DNAAF11: variants seen among roughly 807,000 people sequenced by gnomAD.
DNAAF11 encodes leucine rich repeat containing 6.
In DNAAF11, 45 loss-of-function variants were observed where a neutral mutation model predicts 60.8. The observed-to-expected ratio is 0.74, with a 90% CI of 0.58 to 0.95. DNAAF11 has a LOEUF of 0.95. Among genes scored for constraint, DNAAF11 ranks in the 40% least tolerant of loss-of-function variants. The pLI is 0.00. For synonymous variants in DNAAF11, 191 were observed against 183.5 expected (o/e 1.04, Z -0.33); for missense variants, 546 against 546.2 (o/e 1.00, Z 0.00).
chr8:132,600,487 C>T (rs1043514984), intron 10 of DNAAF11, among the ~76,000 whole-genome samples: 3 of 152,144 alleles, frequency 2.0e-5, no homozygotes, highest in Admixed American at 6.5e-5. Flanking sequence ...GCAAAAAGAA[C>T]AAAGCTGGAG....
chr8:132,622,391 A>G (rs1819851695), intron 7 of DNAAF11, among the ~76,000 whole-genome samples: 1 of 152,230 alleles, frequency 6.6e-6, no homozygotes, highest in South Asian at 2.1e-4. Context: ...TCCATATGTC[A>G]AGATCATTTT....
chr8:132,610,191 C>A lies in DNAAF11; in HGVS notation c.1115G>T (p.Gly372Val), dbSNP rs1818513356. 6.2e-7 allele frequency: 1 copy of A among 1,613,812 alleles called. No homozygotes were observed. The highest frequency in any genetic ancestry group is 1.7e-5 in the Admixed American group (1 of 59,980). ...SSSAKRSQTTGHLVICMPKVG... is the reference protein window; with the variant it reads ...SSSAKRSQTTVHLVICMPKVG... The stretch of plus-strand genomic sequence containing the variant: ...CTTGGGCATGCAGATGACCAAATGA[C>A]CCGTTGTCTGAGATCTTTTAGCAGA... Residue 372 changes from glycine (G) to valine (V), a missense_variant, in exon 10 of 12, where the codon GGT becomes GTT. Physicochemically the swap from Gly to Val is moderately radical, Grantham distance 109. Coordinates refer to ENST00000620350, the MANE Select transcript of DNAAF11 (RefSeq NM_012472.6).
chr8:132,689,490 A>G, the DNAAF11 span, among the ~76,000 whole-genome samples: 1 of 74,334 alleles, frequency 1.3e-5, no homozygotes, highest in Non-Finnish European at 2.6e-5. Flanking sequence ...CACCTCAGCA[A>G]TTCAGTGTCA....
At chr8:132,701,026 A>C in the DNAAF11 span, among the ~76,000 whole-genome samples, 1 of 152,146 alleles carries the variant, frequency 6.6e-6, no homozygotes, top group Admixed American at 6.6e-5. Context: ...TGTGGTATCC[A>C]TGGGGGAAGA....
intron 3 of DNAAF11, among the ~76,000 whole-genome samples, chr8:132,655,531 A>C (rs1482847015): frequency 6.6e-6 from 1 of 152,182 alleles, no homozygotes; most frequent in African/African-American, 2.4e-5. Context: ...GAAAACCCAC[A>C]AATTGGAAGA....
the DNAAF11 span, among the ~76,000 whole-genome samples, chr8:132,696,208 C>T: frequency 1.3e-5 from 2 of 152,096 alleles, no homozygotes; most frequent in East Asian, 1.9e-4. Context: ...CATCATTATC[C>T]ATCAGGGAAA....
chr8:132,666,773 T>C (rs1037112783), intron 1 of DNAAF11, among the ~76,000 whole-genome samples: 2 of 152,152 alleles, frequency 1.3e-5, no homozygotes, highest in African/African-American at 4.8e-5. Context: ...GTCCTTGCTT[T>C]CATGGAGGTT....
intron 3 of DNAAF11, among the ~76,000 whole-genome samples, chr8:132,647,805 T>C (rs1195441165): frequency 6.6e-6 from 1 of 152,070 alleles, no homozygotes. Context: ...ACCCCAAGAC[T>C]AACCCAGGAA....
At position 132,659,992 on chromosome 8, in the gene DNAAF11, A is replaced by G. The variant is rs551736239; in HGVS notation, c.178+1468T>C. 7.9e-5 allele frequency among the ~76,000 whole-genome samples: 12 copies of G among 152,306 alleles called. No individual in the cohort carries two copies. In the South Asian group the frequency reaches 2.5e-3, roughly 32 times the overall value. ...CCCCTGTTGTGAACCACTGCACATC[A>G]TCACGGGAAGTTAAATATGATCCTG... is the stretch of plus-strand genomic sequence containing the variant. On this transcript the variant is annotated intron_variant, in intron 2 of 11. Coordinates refer to ENST00000620350, the MANE Select transcript of DNAAF11 (RefSeq NM_012472.6).
intron 2 of DNAAF11, among the ~76,000 whole-genome samples, chr8:132,657,723 GC>G (rs1823721210): frequency 6.6e-6 from 1 of 152,046 alleles, no homozygotes; most frequent in South Asian, 2.1e-4. Context: ...AGCAACTATT[GC>G]TGAGTGCTTA....
chr8:132,700,767 G>C, the DNAAF11 span, among the ~76,000 whole-genome samples: 223 of 152,286 alleles, frequency 1.5e-3, 2 homozygotes, highest in Admixed American at 3.7e-3. Flanking sequence ...CAAGGTTTGG[G>C]GTCTGGGTTT....
intron 11 of DNAAF11, among the ~76,000 whole-genome samples, chr8:132,575,975 C>T (rs982066309): frequency 3.9e-5 from 6 of 152,208 alleles, no homozygotes; most frequent in African/African-American, 9.6e-5. Context: ...TGGCAAGTGC[C>T]GGTGCCACGA....
rs1489538224 is a variant in DNAAF11 at position 132,610,153 on chromosome 8, T to G, written c.1140+13A>C. ...TATCCAGACTTGAAATTGACCCAAA[T>G]GACATGACCTACCTTGGGCATGCAG... On this transcript the variant is annotated intron_variant, in intron 10 of 11. Transcript: ENST00000620350. 2 of 1,603,188 alleles carry G rather than the reference T, an allele frequency of 1.2e-6. No homozygotes were observed. The highest frequency in any genetic ancestry group is 1.7e-6 in the Non-Finnish European group (2 of 1,170,198).
chr8:132,698,417 C>T, the DNAAF11 span, among the ~76,000 whole-genome samples: 21,616 of 152,148 alleles, frequency 0.14, 4,401 homozygotes, highest in African/African-American at 0.45. Context: ...CAACTCTCTT[C>T]CAGGGTTTCT....
At chr8:132,696,613 A>G in the DNAAF11 span, among the ~76,000 whole-genome samples, 1 of 152,228 alleles carries the variant, frequency 6.6e-6, no homozygotes, top group East Asian at 1.9e-4. Context: ...ATGTTGCAGC[A>G]TGGGTATGCC....
At chr8:132,590,703 CAGGTGA>C (rs1270499004) in intron 10 of DNAAF11, among the ~76,000 whole-genome samples, 5 of 152,156 alleles carry the variant, frequency 3.3e-5, no homozygotes, top group Non-Finnish European at 5.9e-5. Context: ...AAGCTCTCTC[CAGGTGA>C]TTCTTAGATT....
At chr8:132,606,906 A>G (rs1287602610) in intron 10 of DNAAF11, among the ~76,000 whole-genome samples, 1 of 152,244 alleles carries the variant, frequency 6.6e-6, no homozygotes, top group Non-Finnish European at 1.5e-5. Context: ...GCTAAGTGTT[A>G]TAAGAGTCAA....
chr8:132,614,267 AC>A (rs1231480011), intron 8 of DNAAF11, among the ~76,000 whole-genome samples: 1 of 152,214 alleles, frequency 6.6e-6, no homozygotes, highest in Non-Finnish European at 1.5e-5. Flanking sequence ...GCAGCAAGCC[AC>A]AAGGACACCG....
chr8:132,619,991 C>T (rs1819593118), intron 7 of DNAAF11, among the ~76,000 whole-genome samples: 1 of 151,850 alleles, frequency 6.6e-6, no homozygotes, highest in Non-Finnish European at 1.5e-5. Context: ...CTTTTTTTCT[C>T]AACGAAATAG....
Sources: gnomAD v4.1 joint callset for allele counts (sites outside exome capture counted in the v4.1 genomes callset) on GRCh38, gnomAD v4.1.1 for gene constraint, MANE v1.5 for transcripts, NCBI Gene and HGNC (gene_info 2026-07-23, HGNC 2026-07-21) for gene names.